KLHL1: variants seen among roughly 807,000 people sequenced by gnomAD.
KLHL1 encodes the protein kelch-like protein 1.
KLHL1 carries 47 observed loss-of-function variants against 77.7 expected under a neutral mutation model. The ratio of observed to expected loss-of-function variants is 0.60; its 90% CI spans 0.48 to 0.77. The LOEUF (loss-of-function observed/expected upper bound fraction) is 0.77. KLHL1 is among the 30% of genes least tolerant of loss of function. The pLI, the probability that KLHL1 is intolerant of heterozygous loss-of-function variation, is 0.00. For missense variants in KLHL1, 925 were observed against 910.8 expected (o/e 1.02, Z -0.20); for synonymous variants, 360 against 325.2 (o/e 1.11, Z -1.15).
At chr13:69,756,299 T>C (rs771869811) in intron 7 of KLHL1, among the ~76,000 whole-genome samples, 21 of 151,980 alleles carry the variant, frequency 1.4e-4, no homozygotes, top group Non-Finnish European at 2.9e-5. Flanking sequence ...TAGTGCAAAA[T>C]ATTGGGGGAT....
intron 8 of KLHL1, among the ~76,000 whole-genome samples, chr13:69,734,506 G>GT (rs1455452349): frequency 6.6e-6 from 1 of 151,884 alleles, no homozygotes; most frequent in Non-Finnish European, 1.5e-5. Context: ...AGACGAGTAA[G>GT]TAGAACTAAG....
chr13:70,055,431 A>G (rs1360091557), intron 1 of KLHL1, among the ~76,000 whole-genome samples: 2 of 152,196 alleles, frequency 1.3e-5, no homozygotes, highest in African/African-American at 4.8e-5. Context: ...GAGTTCTTCA[A>G]TTTGAAAAAA....
At chr13:70,052,718 C>A (rs2137393913) in intron 1 of KLHL1, among the ~76,000 whole-genome samples, 1 of 151,902 alleles carries the variant, frequency 6.6e-6, no homozygotes, top group East Asian at 1.9e-4. Flanking sequence ...CCCTCTAAAA[C>A]AGGCTCTCCT....
intron 7 of KLHL1, among the ~76,000 whole-genome samples, chr13:69,760,890 T>G (rs2137964858): frequency 6.6e-6 from 1 of 152,308 alleles, no homozygotes; most frequent in Admixed American, 6.5e-5. Flanking sequence ...TAGTAAGATT[T>G]TACCATTTTT....
chr13:69,767,069 G>C (rs1875338212), intron 7 of KLHL1, among the ~76,000 whole-genome samples: 1 of 151,938 alleles, frequency 6.6e-6, no homozygotes, highest in South Asian at 2.1e-4. Flanking sequence ...CTTCAGAAAA[G>C]AAACGAAAAA....
chr13:69,978,950 T>C (rs930734537), intron 1 of KLHL1, among the ~76,000 whole-genome samples: 1 of 151,372 alleles, frequency 6.6e-6, no homozygotes, highest in Non-Finnish European at 1.5e-5. Flanking sequence ...AAGAAAGAAA[T>C]AGAGCTTGGT....
intron 4 of KLHL1, among the ~76,000 whole-genome samples, chr13:69,927,796 A>C (rs903388529): frequency 3.3e-5 from 5 of 152,240 alleles, no homozygotes; most frequent in African/African-American, 1.2e-4. Flanking sequence ...TGAATGGATT[A>C]TGAAATGTAC....
At chr13:69,833,662 T>G (rs965721694) in intron 6 of KLHL1, among the ~76,000 whole-genome samples, 1 of 151,944 alleles carries the variant, frequency 6.6e-6, no homozygotes, top group African/African-American at 2.4e-5. Context: ...CACATATGTG[T>G]GTTTATAGCA....
chr13:70,028,029 T>G (rs1886000283), intron 1 of KLHL1, among the ~76,000 whole-genome samples: 2 of 152,182 alleles, frequency 1.3e-5, no homozygotes, highest in Non-Finnish European at 2.9e-5. Flanking sequence ...TAGTTGTGTT[T>G]TATTAATTCC....
At chr13:69,766,325 T>C (rs1266839980) in intron 7 of KLHL1, among the ~76,000 whole-genome samples, 1 of 152,102 alleles carries the variant, frequency 6.6e-6, no homozygotes, top group Non-Finnish European at 1.5e-5. Context: ...GTTTCAAATA[T>C]GCAAATGTTG....
At chr13:69,841,803 C>T (rs1389998065) in intron 5 of KLHL1, among the ~76,000 whole-genome samples, 2 of 151,502 alleles carry the variant, frequency 1.3e-5, no homozygotes, top group East Asian at 3.9e-4. Context: ...CATTACCTGA[C>T]TTAACCCAAG....
At chr13:69,821,529 G>C (rs1593861408) in intron 6 of KLHL1, among the ~76,000 whole-genome samples, 1 of 152,002 alleles carries the variant, frequency 6.6e-6, no homozygotes, top group Non-Finnish European at 1.5e-5. Flanking sequence ...TGGCCAGGCT[G>C]GTCTCGAACT....
In KLHL1 at chr13:69,719,359, G is replaced by C. The variant is rs745975212; in HGVS notation, c.2015+10C>G. 1 of 1,609,888 alleles carries C rather than the reference G, an allele frequency of 6.2e-7. No individual in the cohort carries two copies. The highest frequency in any genetic ancestry group is 1.3e-5 in the African/African-American group (1 of 74,840). ...TCTCTTTCGCTGTAACAGTGTCCTT[G>C]GGGTCTTACCTTTCTACATAATCCA... is the stretch of plus-strand genomic sequence containing the variant. On this transcript the variant is annotated intron_variant, in intron 9 of 10. Transcript: ENST00000377844.
At chr13:70,043,460 G>A (rs2137382364) in intron 1 of KLHL1, among the ~76,000 whole-genome samples, 1 of 152,206 alleles carries the variant, frequency 6.6e-6, no homozygotes. Context: ...CGTTTATACA[G>A]TCTATGGTAG....
intron 9 of KLHL1, among the ~76,000 whole-genome samples, chr13:69,711,292 AAAAC>A (rs1484739716): frequency 1.3e-5 from 2 of 152,146 alleles, no homozygotes; most frequent in African/African-American, 2.4e-5. Context: ...GTTTGCCTGT[AAAAC>A]AAACAAACAA....
At chr13:69,853,933 C>T (rs1484210492) in intron 5 of KLHL1, among the ~76,000 whole-genome samples, 2 of 151,908 alleles carry the variant, frequency 1.3e-5, no homozygotes, top group South Asian at 4.1e-4. Flanking sequence ...ATTACTAATC[C>T]CCCTTTCCCT....
chr13:69,907,144 C>T (rs1882070649), intron 4 of KLHL1, among the ~76,000 whole-genome samples: 1 of 152,006 alleles, frequency 6.6e-6, no homozygotes, highest in Admixed American at 6.6e-5. Flanking sequence ...AGGTTGGTAA[C>T]ATAGGTTCAT....
intron 1 of KLHL1, among the ~76,000 whole-genome samples, chr13:70,012,081 C>T (rs1473506236): frequency 2.0e-5 from 3 of 151,954 alleles, no homozygotes; most frequent in Non-Finnish European, 4.4e-5. Flanking sequence ...TGAGAAAGAC[C>T]CACCCCCATG....
At chr13:69,888,241 C>T (rs1881290743) in intron 4 of KLHL1, among the ~76,000 whole-genome samples, 1 of 152,128 alleles carries the variant, frequency 6.6e-6, no homozygotes, top group Non-Finnish European at 1.5e-5. Flanking sequence ...TCACAATGTC[C>T]TCCAGCTTTT....
Sources: gnomAD v4.1 joint callset for allele counts (sites outside exome capture counted in the v4.1 genomes callset) on GRCh38, gnomAD v4.1.1 for gene constraint, MANE v1.5 for transcripts, NCBI Gene and HGNC (gene_info 2026-07-23, HGNC 2026-07-21) for gene names.